MYLK4: variants seen among roughly 807,000 people sequenced by gnomAD.
The protein encoded by MYLK4 is myosin light chain kinase family member 4.
A neutral mutation model predicts 48.1 loss-of-function variants in MYLK4; 46 were observed. The ratio of observed to expected loss-of-function variants is 0.96; its 90% CI spans 0.75 to 1.22. MYLK4 has a LOEUF of 1.22. Among genes scored for constraint, MYLK4 ranks in the 50% most tolerant of loss-of-function variants. MYLK4 has a pLI of 0.00. For missense variants in MYLK4, 451 were observed against 486.1 expected (o/e 0.93, Z 0.68); for synonymous variants, 170 against 180.8 (o/e 0.94, Z 0.48).
chr6:2,678,711 GTT>G (rs11344815), intron 9 of MYLK4, among the ~76,000 whole-genome samples: 15 of 132,294 alleles, frequency 1.1e-4, no homozygotes, highest in East Asian at 2.3e-4. Flanking sequence ...TAGGAGATCA[GTT>G]TTTTTTTTTT....
At chr6:2,691,819 G>T (rs764908409) in intron 3 of MYLK4, among the ~76,000 whole-genome samples, 10 of 152,116 alleles carry the variant, frequency 6.6e-5, no homozygotes, top group Non-Finnish European at 1.5e-4. Flanking sequence ...AAAAATAATG[G>T]CTAGAAAATG....
chr6:2,765,707 G>A, the MYLK4 span: 20 of 1,546,018 alleles, frequency 1.3e-5, no homozygotes, highest in Middle Eastern at 2.0e-4. Context: ...GATGATGCCC[G>A]CCGCGCACAT....
At chr6:2,755,618 T>G (rs540953992), upstream of MYLK4, among the ~76,000 whole-genome samples, 324 of 152,312 alleles carry the variant, frequency 2.1e-3, no homozygotes, top group Non-Finnish European at 3.4e-3. Context: ...CACAGCTCAC[T>G]GCAGCCTTGA....
chr6:2,764,362 G>A, the MYLK4 span, among the ~76,000 whole-genome samples: 1 of 152,152 alleles, frequency 6.6e-6, no homozygotes. Flanking sequence ...AAGGCTGTGA[G>A]CTCTGGTCGC....
chr6:2,765,882 C>G, the MYLK4 span: 1 of 1,450,052 alleles, frequency 6.9e-7, no homozygotes, highest in Non-Finnish European at 9.1e-7. Flanking sequence ...GCCACCCCGA[C>G]GGCAGCCGAG....
At chr6:2,742,315 T>C (rs1264213633) in intron 2 of MYLK4, among the ~76,000 whole-genome samples, 4 of 152,212 alleles carry the variant, frequency 2.6e-5, no homozygotes, top group Admixed American at 2.0e-4. Context: ...AGTTGGTGGC[T>C]TCTTGTTGAA....
chr6:2,720,059 T>C, intron 2 of MYLK4, among the ~76,000 whole-genome samples: 1 of 152,090 alleles, frequency 6.6e-6, no homozygotes, highest in East Asian at 1.9e-4. Context: ...TCCCAGGTGA[T>C]TCTAATACAC....
chr6:2,719,605 T>C (rs66516074), intron 2 of MYLK4, among the ~76,000 whole-genome samples: 14,867 of 152,248 alleles, frequency 0.098, 781 homozygotes, highest in Non-Finnish European at 0.11. Context: ...TAATTATAAA[T>C]GGCATGATAT....
intron 2 of MYLK4, among the ~76,000 whole-genome samples, chr6:2,711,866 A>G (rs1336873246): frequency 6.6e-6 from 1 of 152,248 alleles, no homozygotes; most frequent in Non-Finnish European, 1.5e-5. Flanking sequence ...CAAAAAAGCA[A>G]CATACAAATG....
chr6:2,749,735 A>C (rs1187290082), intron 1 of MYLK4, among the ~76,000 whole-genome samples: 1 of 152,210 alleles, frequency 6.6e-6, no homozygotes, highest in African/African-American at 2.4e-5. Context: ...TTTGGGTTTA[A>C]TTGGAACCGC....
intron 2 of MYLK4, among the ~76,000 whole-genome samples, chr6:2,711,744 C>T (rs533565167): frequency 2.2e-4 from 33 of 152,094 alleles, no homozygotes; most frequent in African/African-American, 7.9e-4. Flanking sequence ...TAGTATGTGA[C>T]ATTATCCATG....
the MYLK4 span, among the ~76,000 whole-genome samples, chr6:2,766,714 G>A: frequency 2.0e-5 from 3 of 152,138 alleles, no homozygotes; most frequent in Admixed American, 2.0e-4. Context: ...TACAAGATGT[G>A]GACTCTTAGA....
chr6:2,680,078 G>T, intron 8 of MYLK4, 143 bp downstream of exon 8: 1 of 987,292 alleles, frequency 1.0e-6, no homozygotes, highest in Non-Finnish European at 1.5e-6. Flanking sequence ...AATTTAGCAA[G>T]TTAAGGCCAA....
At position 2,679,356 on chromosome 6, in the gene MYLK4, C is replaced by T. The variant is rs146436167; in HGVS notation, c.811G>A (p.Ala271Thr). The change falls in exon 9 of 13, where the codon GCC becomes ACC. Residue 271 changes from alanine to threonine, a missense_variant. Coordinates refer to ENST00000274643, the MANE Select transcript of MYLK4 (RefSeq NM_001012418.5). ...KVNFGTPEFL[A>T]PEVVNYDFVS... Reference sequence around the variant, plus strand: ...AAATCATAGTTCACAACTTCAGGGGCGAGAAATTCTGGGGTTCCAAAGTTC... The same window carrying T: ...AAATCATAGTTCACAACTTCAGGGGTGAGAAATTCTGGGGTTCCAAAGTTC... The T allele has an allele frequency of 3.3e-5, 54 of 1,613,972 alleles. No homozygotes were observed. The highest frequency in any genetic ancestry group is 2.7e-4 in the East Asian group (12 of 44,892).
intron 10 of MYLK4, 143 bp from the exon 11 acceptor site, chr6:2,675,268 T>G: frequency 1.5e-6 from 1 of 668,274 alleles, no homozygotes; most frequent in Non-Finnish European, 2.7e-6. Flanking sequence ...TCTCTTGAAT[T>G]GTGTGCTATC....
chr6:2,685,388 C>A lies in MYLK4; in HGVS notation c.453G>T (p.Glu151Asp). The change falls in exon 6 of 13, where the codon GAG (glutamate) becomes GAT (aspartate). Residue 151 changes from glutamate to aspartate, a missense_variant. Glu to Asp is a conservative substitution (Grantham distance 45, BLOSUM62 2). Coordinates refer to ENST00000274643, the MANE Select transcript of MYLK4 (RefSeq NM_001012418.5). The surrounding 1 kb of genome is among the most constrained non-coding windows in gnomAD (Gnocchi z 4.5). ...GMKDKEEVKN[E>D]ISVMNQLDHA... ...GGTCCAGCTGGTTCATGACGCTGATCTCGTTCTTCACCTCCTCCTGAGAAG... is the reference window on the plus strand; with the variant it reads ...GGTCCAGCTGGTTCATGACGCTGATATCGTTCTTCACCTCCTCCTGAGAAG... The A allele has an allele frequency of 1.9e-6, 3 of 1,612,556 alleles. No homozygotes were observed. Among genetic ancestry groups the A allele is most frequent in the Non-Finnish European group, 2.5e-6 (3 of 1,179,138 alleles).
the MYLK4 span, among the ~76,000 whole-genome samples, chr6:2,762,972 T>A: frequency 6.6e-6 from 1 of 151,952 alleles, no homozygotes; most frequent in Admixed American, 6.6e-5. Flanking sequence ...ATGCAAAAAA[T>A]AAAAGAACAA....
chr6:2,709,089 A>T (rs1762587634), intron 2 of MYLK4, among the ~76,000 whole-genome samples: 1 of 152,164 alleles, frequency 6.6e-6, no homozygotes, highest in Non-Finnish European at 1.5e-5. Flanking sequence ...ATAACCCTCT[A>T]TCGGTCATCT....
intron 2 of MYLK4, among the ~76,000 whole-genome samples, chr6:2,704,970 A>G (rs1762433423): frequency 6.6e-6 from 1 of 152,224 alleles, no homozygotes; most frequent in African/African-American, 2.4e-5. Context: ...AAAGCTTAGC[A>G]CAGCGAAGGA....
Sources: allele counts gnomAD v4.1 joint callset (sites outside exome capture counted in the v4.1 genomes callset), GRCh38; gene constraint gnomAD v4.1.1; non-coding constraint Gnocchi (gnomAD v3.1); transcripts MANE v1.5; gene names NCBI Gene and HGNC (gene_info 2026-07-23, HGNC 2026-07-21).